Variants in SATB1 observed in about 807,000 individuals in gnomAD.
The protein encoded by SATB1 is SATB homeobox 1.
A neutral mutation model predicts 86.9 loss-of-function variants in SATB1; 11 were observed. That is an observed-to-expected ratio of 0.13 (90% CI 0.08 to 0.21). The LOEUF (loss-of-function observed/expected upper bound fraction) is 0.21. Among genes scored for constraint, SATB1 ranks in the 10% least tolerant of loss-of-function variants. The pLI, the probability that SATB1 is intolerant of heterozygous loss-of-function variation, is 1.00. For missense variants in SATB1, 551 were observed against 937.6 expected, an observed-to-expected ratio of 0.59 and a Z score of 5.39; for synonymous variants, 357 against 357.2, an observed-to-expected ratio of 1.00 and a Z score of 0.01.
At chr3:18,369,125 G>A (rs1695327530) in intron 9 of SATB1, among the ~76,000 whole-genome samples, 1 of 150,422 alleles carries the variant, frequency 6.6e-6, no homozygotes, top group Admixed American at 6.6e-5. Context: ...TGAGTGTCTG[G>A]TATCTGACTA....
chr3:18,439,340 A>C (rs190992749), upstream of SATB1, among the ~76,000 whole-genome samples: 1 of 152,334 alleles, frequency 6.6e-6, no homozygotes, highest in Middle Eastern at 3.4e-3. Context: ...AAATAGGCCA[A>C]TATGTTGAAG....
intron 9 of SATB1, among the ~76,000 whole-genome samples, chr3:18,374,871 T>C (rs575384046): frequency 2.0e-5 from 3 of 152,210 alleles, no homozygotes; most frequent in Non-Finnish European, 4.4e-5. Flanking sequence ...TTGGGTATAG[T>C]GCTATATAAT....
At chr3:18,440,383 G>C (rs906080336), upstream of SATB1, among the ~76,000 whole-genome samples, 2 of 152,034 alleles carry the variant, frequency 1.3e-5, no homozygotes, top group Non-Finnish European at 1.5e-5. Flanking sequence ...AACTCCTCTC[G>C]ACCCCTATCC....
intron 6 of SATB1, among the ~76,000 whole-genome samples, chr3:18,395,304 G>A (rs929968179): frequency 6.6e-6 from 1 of 152,104 alleles, no homozygotes; most frequent in Non-Finnish European, 1.5e-5. Context: ...CAAACAGTGA[G>A]CTGAGCTGAG....
chr3:18,378,685 A>G (rs903763666), intron 8 of SATB1, among the ~76,000 whole-genome samples: 14 of 152,330 alleles, frequency 9.2e-5, no homozygotes, highest in African/African-American at 3.4e-4. Context: ...CACAATTAAA[A>G]TCATAATGCA....
In SATB1 at chr3:18,347,848, T is replaced by G. The variant is rs910477998; in HGVS notation, c.*1322A>C. On this transcript the variant is annotated 3_prime_UTR_variant, in exon 11 of 11. Coordinates refer to ENST00000338745, the MANE Select transcript of SATB1 (RefSeq NM_002971.6). ...TGTCAATTGCTCTTTTTAAAATCAG[T>G]GAAATAACAAGTTATTAACATGCAC... The G allele has an allele frequency of 6.6e-6, 1 of 152,250 alleles. No homozygotes were observed. The highest frequency in any genetic ancestry group is 2.4e-5 in the African/African-American group (1 of 41,462). The allele number at this position is 152,250 out of a possible 1,614,324, so 9.4% of individuals were successfully genotyped here.
chr3:18,445,430 T>A, intron 1 of SATB1: 1 of 985,194 alleles, frequency 1.0e-6, no homozygotes, highest in Non-Finnish European at 1.2e-6. Context: ...GACAGGACCC[T>A]CAGCCTCGAG....
intron 2 of SATB1, chr3:18,435,034 G>A (rs903849068): frequency 2.0e-5 from 3 of 152,130 alleles, no homozygotes; most frequent in African/African-American, 7.2e-5. Flanking sequence ...AAAGTAGACT[G>A]CATTTCAGAA....
chr3:18,351,232 A>G, intron 10 of SATB1: 1 of 1,218,406 alleles, frequency 8.2e-7, no homozygotes, highest in Non-Finnish European at 1.2e-6. Flanking sequence ...TACAGGTTTG[A>G]AAATCCTGAC....
intron 9 of SATB1, among the ~76,000 whole-genome samples, chr3:18,373,551 A>T (rs1235548543): frequency 1.3e-5 from 2 of 152,176 alleles, no homozygotes. Flanking sequence ...TTCTAGCCCC[A>T]ATGATTTGCG....
chr3:18,425,410 A>G (rs1215499419), upstream of SATB1: 1 of 138,790 alleles, frequency 7.2e-6, no homozygotes, highest in Non-Finnish European at 1.6e-5. Flanking sequence ...GGAGCCGAGG[A>G]GGAAGGCGGC....
At chr3:18,357,233 A>T (rs1045380550) in intron 9 of SATB1, among the ~76,000 whole-genome samples, 2 of 151,902 alleles carry the variant, frequency 1.3e-5, no homozygotes, top group African/African-American at 2.4e-5. Flanking sequence ...ATATTAAAAG[A>T]AATCAATCTA....
In SATB1 at chr3:18,394,618, A is replaced by T; in HGVS notation, c.1050T>A (p.Pro350=). The part of the protein sequence containing the change: ...QSLNQQYLNH[P]PPVSRSMNKP... ...TATTCATAGATCTACTGACAGGGGG[A>T]GGGTGGTTCAAGTATTGTTGGTTTA... Residue 350 remains proline, a synonymous_variant, in exon 7 of 11, where the codon CCT becomes CCA. Coordinates refer to ENST00000338745, the MANE Select transcript of SATB1 (RefSeq NM_002971.6). The surrounding 1 kb of genome is among the most constrained non-coding windows in gnomAD (Gnocchi z 5.9). 6.2e-7 allele frequency: 1 copy of T among 1,613,920 alleles called. No individual in the cohort carries two copies. Among genetic ancestry groups the T allele is most frequent in the Middle Eastern group, 1.6e-4 (1 of 6,062 alleles).
intron 9 of SATB1, among the ~76,000 whole-genome samples, chr3:18,362,912 A>C (rs1173941654): frequency 1.3e-5 from 2 of 150,806 alleles, no homozygotes; most frequent in Admixed American, 1.3e-4. Context: ...AAGAAATCAT[A>C]AAAAGAATAA....
At chr3:18,408,612 T>C (rs1311605744) in intron 5 of SATB1, 1 of 151,942 alleles carries the variant, frequency 6.6e-6, no homozygotes, top group African/African-American at 2.4e-5. Flanking sequence ...GAGCACGTTA[T>C]AATCAAGCAG....
chr3:18,354,797 C>A (rs991765095), intron 9 of SATB1, among the ~76,000 whole-genome samples: 2 of 152,048 alleles, frequency 1.3e-5, no homozygotes, highest in South Asian at 4.1e-4. Context: ...TAGCTAATTC[C>A]TAAACAATCA....
In SATB1 at chr3:18,444,640, C is replaced by A. The variant is rs761664755; in HGVS notation, c.-25+878G>T. The stretch of plus-strand genomic sequence containing the variant: ...GGACGTTGGGGGCGGCGGTGGCTGT[C>A]GAGTGCGGGCCTGAAACCAAGAACG... On this transcript the variant is annotated intron_variant, in intron 1 of 3. Coordinates refer to the SATB1 transcript ENST00000415069. The surrounding 1 kb of genome is among the most constrained non-coding windows in gnomAD (Gnocchi z 5.1). 5.8e-5 allele frequency: 57 copies of A among 983,394 alleles called. No homozygotes were observed. Among genetic ancestry groups the A allele is most frequent in the Non-Finnish European group, 6.8e-5 (56 of 829,488 alleles). 60.9% of individuals were successfully genotyped at this position (983,394 alleles called of 1,614,324 possible). A position where few individuals can be genotyped will look rare whatever the true frequency, so the allele number is the denominator to read the frequency against.
chr3:18,406,505 TGAAATACA>T (rs1697543087), intron 5 of SATB1, among the ~76,000 whole-genome samples: 2 of 152,142 alleles, frequency 1.3e-5, no homozygotes, highest in African/African-American at 4.8e-5. Flanking sequence ...TTAGCCAGGC[TGAAATACA>T]TGTACAATTG....
chr3:18,356,518 T>C (rs1357696503), intron 9 of SATB1, among the ~76,000 whole-genome samples: 1 of 151,770 alleles, frequency 6.6e-6, no homozygotes, highest in Non-Finnish European at 1.5e-5. Flanking sequence ...TGGCAATTTA[T>C]TATGGTCCAT....
Sources: allele counts gnomAD v4.1 joint callset (sites outside exome capture counted in the v4.1 genomes callset), GRCh38; gene constraint gnomAD v4.1.1; non-coding constraint Gnocchi (gnomAD v3.1); transcripts MANE v1.5; gene names NCBI Gene and HGNC (gene_info 2026-07-23, HGNC 2026-07-21).